The following ZNF618 variants were observed in gnomAD, a reference collection of about 807,000 sequenced individuals.
ZNF618 encodes the protein neural precursor cell expressed, developmentally down-regulated 10.
A neutral mutation model predicts 103.0 loss-of-function variants in ZNF618; 34 were observed. The ratio of observed to expected loss-of-function variants is 0.33; its 90% CI spans 0.25 to 0.44. The LOEUF (loss-of-function observed/expected upper bound fraction) is 0.44. Among genes scored for constraint, ZNF618 ranks in the 20% least tolerant of loss-of-function variants. ZNF618 has a pLI of 1.00. For synonymous variants in ZNF618, 551 were observed against 542.2 expected, an observed-to-expected ratio of 1.02 and a Z score of -0.23; for missense variants, 1,059 against 1,295.4, an observed-to-expected ratio of 0.82 and a Z score of 2.80.
chr9:113,961,008 C>A (rs891226119), intron 1 of ZNF618, among the ~76,000 whole-genome samples: 3 of 152,216 alleles, frequency 2.0e-5, no homozygotes, highest in Admixed American at 6.5e-5. Flanking sequence ...CCCAGCTGGG[C>A]AAGGTGGTGC....
At chr9:113,977,708 C>T (rs902568804) in intron 2 of ZNF618, among the ~76,000 whole-genome samples, 2 of 152,174 alleles carry the variant, frequency 1.3e-5, no homozygotes, top group African/African-American at 4.8e-5. Flanking sequence ...GTTTAAAATG[C>T]CATTAACACT....
chr9:113,902,408 T>C (rs1830648081), intron 1 of ZNF618, among the ~76,000 whole-genome samples: 1 of 152,202 alleles, frequency 6.6e-6, no homozygotes, highest in Non-Finnish European at 1.5e-5. Flanking sequence ...GGTGTGTGGC[T>C]ATCTTTGCTT....
chr9:113,907,126 C>A (rs1336704196), intron 1 of ZNF618, among the ~76,000 whole-genome samples: 4 of 152,224 alleles, frequency 2.6e-5, no homozygotes, highest in Non-Finnish European at 4.4e-5. Context: ...ATCCCTAAGC[C>A]GATCACAGTG....
At chr9:114,028,695 G>T in intron 10 of ZNF618, 38 bp from the exon 11 acceptor site, 1 of 1,532,218 alleles carries the variant, frequency 6.5e-7, no homozygotes, top group Non-Finnish European at 8.8e-7. Context: ...TCTGCCGGCT[G>T]GGAGGGCCCT....
At position 114,050,449 on chromosome 9, in the gene ZNF618, C is replaced by T. The variant is rs1262653320; in HGVS notation, c.*282C>T. ...GAGAAACTTTGCACACACGCACACACACACACACACACACACACACACACA... is the reference window on the plus strand; with the variant it reads ...GAGAAACTTTGCACACACGCACACATACACACACACACACACACACACACA... On this transcript the variant is annotated 3_prime_UTR_variant, in exon 15 of 15. Transcript: ENST00000374126. 4.9e-5 allele frequency: 14 copies of T among 283,826 alleles called. No individual in the cohort carries two copies. The Admixed American group carries it at 6.5e-4, about 13-fold the overall frequency. The allele number at this position is 283,826 out of a possible 1,614,324, so 17.6% of individuals were successfully genotyped here.
At position 114,050,563 on chromosome 9, in the gene ZNF618, G is replaced by A. The variant is rs1194245608; in HGVS notation, c.*396G>A. The stretch of plus-strand genomic sequence containing the variant: ...GAAAGCTGAGCGATTGGGAAAGAGG[G>A]AGATGTTTCACCTCCTTTTCTCAGT... On this transcript the variant is annotated 3_prime_UTR_variant, in exon 15 of 15. Coordinates refer to ENST00000374126, the MANE Select transcript of ZNF618 (RefSeq NM_001318042.2). 1 of 162,606 alleles carries A rather than the reference G, an allele frequency of 6.1e-6. No homozygotes were observed. The highest frequency in any genetic ancestry group is 1.3e-5 in the Non-Finnish European group (1 of 75,126). 10.1% of individuals were successfully genotyped at this position (162,606 alleles called of 1,614,324 possible).
intron 1 of ZNF618, among the ~76,000 whole-genome samples, chr9:113,925,359 C>T (rs1832995159): frequency 6.6e-6 from 1 of 151,278 alleles, no homozygotes; most frequent in Non-Finnish European, 1.5e-5. Context: ...ATATCTTTCT[C>T]CAAACCTTTA....
chr9:113,950,588 A>G (rs953336872), intron 1 of ZNF618, among the ~76,000 whole-genome samples: 11 of 152,162 alleles, frequency 7.2e-5, no homozygotes, highest in African/African-American at 2.7e-4. Context: ...CCACCTGCCT[A>G]TACTCAGCAT....
At position 114,055,202 on chromosome 9, in the gene ZNF618, C is replaced by T. The variant is rs1384060326; in HGVS notation, c.*5035C>T. ...TGGCACAGATGATGAGGTCTGAGAC[C>T]AGCCGGAAGGAGGGGCTCCTGCCAT... On this transcript the variant is annotated 3_prime_UTR_variant, in exon 15 of 15. Coordinates refer to ENST00000374126, the MANE Select transcript of ZNF618 (RefSeq NM_001318042.2). The T allele has an allele frequency of 6.6e-6, 1 of 152,128 alleles. No homozygotes were observed. Among genetic ancestry groups the T allele is most frequent in the Non-Finnish European group, 1.5e-5 (1 of 68,060 alleles). The allele number at this position is 152,128 out of a possible 1,614,324, so 9.4% of individuals were successfully genotyped here.
intron 1 of ZNF618, among the ~76,000 whole-genome samples, chr9:113,892,513 A>C (rs570152020): frequency 6.6e-6 from 1 of 152,186 alleles, no homozygotes; most frequent in Non-Finnish European, 1.5e-5. Context: ...AATGGTTCAG[A>C]TGGTCAAAGA....
chr9:113,986,084 C>T (rs1839447549), intron 2 of ZNF618, among the ~76,000 whole-genome samples: 1 of 152,214 alleles, frequency 6.6e-6, no homozygotes, highest in South Asian at 2.1e-4. Flanking sequence ...GCCAAAGAAG[C>T]TCTAACAGTG....
Position 114,049,732 on chromosome 9 carries a change from G to T in ZNF618, c.2430G>T (p.Pro810=), listed in dbSNP as rs770045272. ...ACAAGGTGGCCATGATCCTGGACCC[G>T]CAGCAGAAGCTGCGGCCTGTGCCAC... The part of the protein sequence containing the change: ...PAHKVAMILD[P]QQKLRPVPPY... Residue 810 remains proline (P), a synonymous_variant, in exon 15 of 15, where the codon CCG becomes CCT. Transcript: ENST00000374126. The T allele has an allele frequency of 6.2e-7, 1 of 1,613,850 alleles. No individual in the cohort carries two copies. The highest frequency in any genetic ancestry group is 2.2e-5 in the East Asian group (1 of 44,870).
intron 1 of ZNF618, among the ~76,000 whole-genome samples, chr9:113,939,651 T>A (rs1345198241): frequency 1.3e-5 from 2 of 152,106 alleles, no homozygotes; most frequent in Non-Finnish European, 2.9e-5. Flanking sequence ...ATTATTGGCC[T>A]ATTTGTTTTC....
At chr9:114,039,340 G>GTTTTTTT (rs968810244) in intron 13 of ZNF618, among the ~76,000 whole-genome samples, 3 of 104,744 alleles carry the variant, frequency 2.9e-5, no homozygotes, top group African/African-American at 6.7e-5. Context: ...TTTCTTGTTT[G>GTTTTTTT]TTTTTTTTTT....
intron 1 of ZNF618, among the ~76,000 whole-genome samples, chr9:113,907,725 G>A (rs1206561327): frequency 3.3e-5 from 5 of 152,188 alleles, no homozygotes; most frequent in Admixed American, 3.3e-4. Context: ...ACAGTTGAAT[G>A]TCTAACCAAC....
At chr9:113,988,654 G>A in intron 3 of ZNF618, 74 bp downstream of exon 3, 5 of 1,497,376 alleles carry the variant, frequency 3.3e-6, no homozygotes, top group Non-Finnish European at 3.6e-6. Context: ...GGGAAAAGCG[G>A]CCTGGCGCCT....
At chr9:114,032,336 A>T (rs1334748189) in intron 11 of ZNF618, among the ~76,000 whole-genome samples, 1 of 152,214 alleles carries the variant, frequency 6.6e-6, no homozygotes, top group Non-Finnish European at 1.5e-5. Context: ...CAGGAGCCAA[A>T]GATGGGAGAC....
At chr9:113,930,364 T>C (rs1564183721) in intron 1 of ZNF618, among the ~76,000 whole-genome samples, 2 of 152,248 alleles carry the variant, frequency 1.3e-5, no homozygotes, top group Non-Finnish European at 1.5e-5. Context: ...ATAGTCCCAG[T>C]TCTACTACTT....
chr9:114,005,604 G>A (rs531414053), intron 6 of ZNF618, among the ~76,000 whole-genome samples: 4 of 152,312 alleles, frequency 2.6e-5, no homozygotes, highest in African/African-American at 7.2e-5. Flanking sequence ...CTTAGGAGAG[G>A]AATGTCAAGG....
Sources: gnomAD v4.1 joint callset for allele counts (sites outside exome capture counted in the v4.1 genomes callset) on GRCh38, gnomAD v4.1.1 for gene constraint, MANE v1.5 for transcripts, NCBI Gene and HGNC (gene_info 2026-07-23, HGNC 2026-07-21) for gene names.